ALPK3: variants seen among roughly 807,000 people sequenced by gnomAD.
ALPK3 encodes the protein alpha-protein kinase 3.
ALPK3 carries 102 observed loss-of-function variants against 140.0 expected under a neutral mutation model. The ratio of observed to expected loss-of-function variants is 0.73; its 90% CI spans 0.62 to 0.86. The LOEUF (loss-of-function observed/expected upper bound fraction) is 0.86. ALPK3 is among the 40% of genes least tolerant of loss of function. The probability of loss-of-function intolerance (pLI) is 0.00; values close to 1 mark genes in which losing one functional copy is unlikely to be tolerated. For missense variants in ALPK3, 2,254 were observed against 2,208.2 expected (o/e 1.02, Z -0.42); for synonymous variants, 938 against 898.5 (o/e 1.04, Z -0.79).
intron 5 of ALPK3, among the ~76,000 whole-genome samples, chr15:84,853,569 A>T (rs1963829310): frequency 6.6e-6 from 1 of 152,184 alleles, no homozygotes; most frequent in African/African-American, 2.4e-5. Context: ...AGCCAAGATC[A>T]TGCCAGTGCG....
chr15:84,869,353 G>A lies in ALPK3; in HGVS notation c.*897G>A, dbSNP rs1007834541. 8 of 152,292 alleles carry A rather than the reference G, an allele frequency of 5.3e-5. No individual in the cohort carries two copies. The highest frequency in any genetic ancestry group is 1.9e-4 in the African/African-American group (8 of 41,458). The allele number at this position is 152,292 out of a possible 1,614,324, so 9.4% of individuals were successfully genotyped here. A position where few individuals can be genotyped will look rare whatever the true frequency, so the allele number is the denominator to read the frequency against. ...AGGTGAGAGCTGGTGTGAGGGTTGT[G>A]TCAGCAGCTGTAGCCAGAGAGAGGT... is the stretch of plus-strand genomic sequence containing the variant. On this transcript the variant is annotated 3_prime_UTR_variant, in exon 14 of 14. Transcript: ENST00000258888.
rs781379118 is a variant in ALPK3 at position 84,858,184 on chromosome 15, C to T, written c.3446C>T (p.Thr1149Ile). ...GAGAAGTTCCCAGGGGAGGCTCTGA[C>T]AGGTCTCCCGGCAGCTACACCTGAG... ...QEEKFPGEALTGLPAATPEEL... is the reference protein window; with the variant it reads ...QEEKFPGEALIGLPAATPEEL... The change falls in exon 6 of 14, where the codon ACA (threonine) becomes ATA (isoleucine). Residue 1149 changes from threonine to isoleucine, a missense_variant. Around this residue, in one of 3 missense-constraint regions of ALPK3, gnomAD observed 2,088 missense variants for 2,022.9 expected, o/e 1.03. Transcript: ENST00000258888. 13 of 1,612,178 alleles carry T rather than the reference C, an allele frequency of 8.1e-6. No individual in the cohort carries two copies. Among genetic ancestry groups the T allele is most frequent in the Non-Finnish European group, 8.5e-7 (1 of 1,179,286 alleles).
chr15:84,847,385 G>A (rs1342057841), intron 5 of ALPK3, among the ~76,000 whole-genome samples: 1 of 152,122 alleles, frequency 6.6e-6, no homozygotes, highest in African/African-American at 2.4e-5. Context: ...AAGGAATAAT[G>A]GCTGAAAACT....
chr15:84,829,696 G>A (rs915642749), intron 3 of ALPK3, among the ~76,000 whole-genome samples: 1 of 152,174 alleles, frequency 6.6e-6, no homozygotes, highest in Non-Finnish European at 1.5e-5. Flanking sequence ...CCATGCTAAT[G>A]AGACATGCAT....
rs1474501549 is a variant in ALPK3 at position 84,871,415 on chromosome 15, TATA to T, written c.*2962_*2964del. 1 of 152,242 alleles carries T rather than the reference TATA, an allele frequency of 6.6e-6. No individual in the cohort carries two copies. The allele number at this position is 152,242 out of a possible 1,614,324, so 9.4% of individuals were successfully genotyped here. On this transcript the variant is annotated 3_prime_UTR_variant, in exon 14 of 14. Coordinates refer to ENST00000258888, the MANE Select transcript of ALPK3 (RefSeq NM_020778.5). Reference sequence around the variant, plus strand: ...ATTCTAGATACTCCGATGACTTCTTTATAATGAGCCTGAAGTGGCCTGGTGGCT... The same window carrying T: ...ATTCTAGATACTCCGATGACTTCTTTATGAGCCTGAAGTGGCCTGGTGGCT...
intron 10 of ALPK3, 169 bp from the exon 11 acceptor site, chr15:84,863,383 A>C: frequency 3.3e-6 from 2 of 605,456 alleles, no homozygotes. Flanking sequence ...ACAAAAGAGG[A>C]AAATGAGATG....
rs749791830 is a variant in ALPK3 at position 84,858,373 on chromosome 15, G to C, written c.3635G>C (p.Arg1212Thr). Residue 1212 changes from arginine to threonine, a missense_variant, in exon 6 of 14, where the codon AGA becomes ACA. Arg to Thr is a moderately conservative substitution (Grantham distance 71). Coordinates refer to ENST00000258888, the MANE Select transcript of ALPK3 (RefSeq NM_020778.5). ...PGSPGTPGRERRSPTQGRKAS... is the reference protein window; with the variant it reads ...PGSPGTPGRETRSPTQGRKAS... ...TCCCCAGGGACTCCAGGGCGGGAGAGACGCTCCCCTACGCAGGGCAGAAAG... is the reference window on the plus strand; with the variant it reads ...TCCCCAGGGACTCCAGGGCGGGAGACACGCTCCCCTACGCAGGGCAGAAAG... The C allele has an allele frequency of 5.1e-6, 8 of 1,554,206 alleles. No individual in the cohort carries two copies. The highest frequency in any genetic ancestry group is 1.9e-5 in the Admixed American group (1 of 51,356).
chr15:84,827,335 C>T, intron 2 of ALPK3, 149 bp from the exon 3 acceptor site: 1 of 1,150,310 alleles, frequency 8.7e-7, no homozygotes. Flanking sequence ...GAGGCACAAG[C>T]TGCCTTGAAG....
At chr15:84,825,185 A>C (rs1051636244) in intron 2 of ALPK3, among the ~76,000 whole-genome samples, 2 of 150,308 alleles carry the variant, frequency 1.3e-5, no homozygotes, top group Admixed American at 6.6e-5. Context: ...TTATTTTATT[A>C]TTATTTTTTT....
At chr15:84,845,606 C>T (rs563327862) in intron 5 of ALPK3, among the ~76,000 whole-genome samples, 10 of 152,292 alleles carry the variant, frequency 6.6e-5, no homozygotes, top group Non-Finnish European at 8.8e-5. Flanking sequence ...GGGCTCATCC[C>T]CAGATTGTTC....
Position 84,857,914 on chromosome 15 carries a change from G to A in ALPK3, c.3176G>A (p.Arg1059Gln), listed in dbSNP as rs1240729658. 6.2e-6 allele frequency: 10 copies of A among 1,610,874 alleles called. No individual in the cohort carries two copies. The highest frequency in any genetic ancestry group is 5.3e-5 in the African/African-American group (4 of 74,876). The change falls in exon 6 of 14, where the codon CGA (arginine) becomes CAA (glutamine). Residue 1059 changes from arginine (R) to glutamine (Q), a missense_variant. Around this residue, in one of 3 missense-constraint regions of ALPK3, gnomAD observed 2,088 missense variants for 2,022.9 expected, o/e 1.03. Transcript: ENST00000258888. The stretch of plus-strand genomic sequence containing the variant: ...GGCCGCCAGGCCCTTGCTGCTGCCC[G>A]AGGCTCCTGGGGTCCTGGTCCCAGC... ...QAGRQALAAA[R>Q]GSWGPGPSSL...
intron 13 of ALPK3, among the ~76,000 whole-genome samples, chr15:84,867,587 C>G (rs1310455745): frequency 6.6e-6 from 1 of 152,074 alleles, no homozygotes; most frequent in Non-Finnish European, 1.5e-5. Context: ...GGGTCCCCTG[C>G]AATCCAGAGC....
chr15:84,863,415 G>A, intron 10 of ALPK3, 137 bp from the exon 11 acceptor site: 6 of 695,542 alleles, frequency 8.6e-6, no homozygotes, highest in South Asian at 7.7e-5. Context: ...GCAGGGAGGA[G>A]TAAGCCCTTC....
chr15:84,857,713 T>C lies in ALPK3; in HGVS notation c.2975T>C (p.Val992Ala). Residue 992 changes from valine (V) to alanine (A), a missense_variant, in exon 6 of 14, where the codon GTG becomes GCG. Physicochemically the swap from Val to Ala is moderately conservative, Grantham distance 64. This residue lies in a region of ALPK3 where 2,088 missense variants were observed against 2,022.9 expected (regional missense o/e 1.03). Coordinates refer to ENST00000258888, the MANE Select transcript of ALPK3 (RefSeq NM_020778.5). ...GTGGGGGCAGCCACCGGAGGTCTGG[T>C]GCCCTCAGCCACTCTGACACCCACT... is the stretch of plus-strand genomic sequence containing the variant. ...SQVGAATGGL[V>A]PSATLTPTVE... 6.2e-7 allele frequency: 1 copy of C among 1,612,096 alleles called. No homozygotes were observed. Among genetic ancestry groups the C allele is most frequent in the Non-Finnish European group, 8.5e-7 (1 of 1,178,702 alleles).
At chr15:84,865,519 T>C (rs1963992924) in intron 12 of ALPK3, among the ~76,000 whole-genome samples, 1 of 152,212 alleles carries the variant, frequency 6.6e-6, no homozygotes, top group African/African-American at 2.4e-5. Context: ...TGTTAACTTA[T>C]AAACTCATGC....
intron 5 of ALPK3, among the ~76,000 whole-genome samples, chr15:84,855,093 C>T (rs1177718612): frequency 2.6e-5 from 4 of 152,174 alleles, no homozygotes; most frequent in African/African-American, 2.4e-5. Flanking sequence ...TAGCTGCCAG[C>T]GTTTTCTGAG....
Position 84,864,448 on chromosome 15 carries a change from C to T in ALPK3, c.4506C>T (p.Ile1502=). 1.2e-6 allele frequency: 2 copies of T among 1,613,918 alleles called. No homozygotes were observed. Among genetic ancestry groups the T allele is most frequent in the Non-Finnish European group, 1.7e-6 (2 of 1,179,842 alleles). The change falls in exon 12 of 14, where the codon ATC becomes ATT. Residue 1502 remains isoleucine, a synonymous_variant. Transcript: ENST00000258888. ...AGGGTGAAACTATGTTTAGGATCAT[C>T]CCACTGTATCTGATCTACCGGCCTG... ...APGFGEVPEI[I]PLYLIYRPAN...
chr15:84,840,332 G>T lies in ALPK3; in HGVS notation c.1053G>T (p.Glu351Asp), dbSNP rs1047210523. The T allele has an allele frequency of 1.2e-6, 2 of 1,613,976 alleles. No homozygotes were observed. The highest frequency in any genetic ancestry group is 1.1e-5 in the South Asian group (1 of 91,060). Residue 351 changes from glutamate to aspartate, a missense_variant, in exon 5 of 14, where the codon GAG becomes GAT. Physicochemically the swap from Glu to Asp is conservative, Grantham distance 45 (BLOSUM62 2). Transcript: ENST00000258888. ...AAAACTGCATCCCCAGCTCAGACGA[G>T]CCTGACTCCTGTGGGACTCAGGGGC... Reference protein sequence around the residue: ...SSENCIPSSDEPDSCGTQGPV... With the variant: ...SSENCIPSSDDPDSCGTQGPV...
Position 84,850,893 on chromosome 15 carries a change from C to CAG in ALPK3, c.1654-5498_1654-5497insGA, listed in dbSNP as rs1302338561. 3.2e-4 allele frequency among the ~76,000 whole-genome samples: 49 copies of CAG among 151,820 alleles called. 1 individual carries two copies. Among genetic ancestry groups the CAG allele is most frequent in the African/African-American group, 1.1e-3 (47 of 41,346 alleles). On this transcript the variant is annotated intron_variant, in intron 5 of 13. Coordinates refer to ENST00000258888, the MANE Select transcript of ALPK3 (RefSeq NM_020778.5). Reference sequence around the variant, plus strand: ...AGTTCCAGATATACACACACACACACACACACACACACACACACACACCCT... The same window carrying CAG: ...AGTTCCAGATATACACACACACACACAGACACACACACACACACACACACCCT...
Sources: allele counts gnomAD v4.1 joint callset (sites outside exome capture counted in the v4.1 genomes callset), GRCh38; gene constraint gnomAD v4.1.1; regional missense constraint gnomAD v4.1.1; transcripts MANE v1.5; gene names NCBI Gene and HGNC (gene_info 2026-07-23, HGNC 2026-07-21).